ZNF263: variants seen among roughly 807,000 people sequenced by gnomAD.
The protein encoded by ZNF263 is zinc finger protein FPM315.
Under a neutral mutation model 63.1 loss-of-function variants are expected in ZNF263, and 49 were observed. The ratio of observed to expected loss-of-function variants is 0.78; its 90% CI spans 0.62 to 0.99. The LOEUF (loss-of-function observed/expected upper bound fraction) is 0.99. Among genes scored for constraint, ZNF263 ranks in the 50% least tolerant of loss-of-function variants. The probability of loss-of-function intolerance (pLI) is 0.00; values close to 1 mark genes in which losing one functional copy is unlikely to be tolerated. For missense variants in ZNF263, 872 were observed against 854.8 expected (o/e 1.02, Z -0.25); for synonymous variants, 352 against 324.2 (o/e 1.09, Z -0.92).
chr16:3,285,546 T>G, intron 2 of ZNF263, 135 bp from the exon 3 acceptor site: 1 of 868,680 alleles, frequency 1.2e-6, no homozygotes, highest in Non-Finnish European at 1.9e-6. Flanking sequence ...TATCAGCTGA[T>G]TAGGCCTCTG....
Position 3,289,935 on chromosome 16 carries a change from C to T in ZNF263, c.1429C>T (p.Leu477Phe), listed in dbSNP as rs1959541000. The change falls in exon 6 of 6, where the codon CTC becomes TTC. Residue 477 changes from leucine (L) to phenylalanine (F), a missense_variant. Leu to Phe is a conservative substitution (Grantham distance 22). Coordinates refer to ENST00000219069, the MANE Select transcript of ZNF263 (RefSeq NM_005741.5). The part of the protein sequence containing the change: ...CGKCFSCNSN[L>F]HRHQRTHTGE... ...AAAATGTTTCTCCTGCAACTCCAAC[C>T]TCCACAGGCACCAGAGAACGCACAC... is the stretch of plus-strand genomic sequence containing the variant. 1 of 1,614,174 alleles carries T rather than the reference C, an allele frequency of 6.2e-7. No homozygotes were observed. Among genetic ancestry groups the T allele is most frequent in the Non-Finnish European group, 8.5e-7 (1 of 1,180,046 alleles).
downstream of ZNF263, among the ~76,000 whole-genome samples, chr16:3,296,402 C>G (rs1011243714): frequency 1.2e-4 from 19 of 152,304 alleles, no homozygotes; most frequent in African/African-American, 4.6e-4. Flanking sequence ...TCCACTTCCA[C>G]AATCCATCCT....
At position 3,291,194 on chromosome 16, in the gene ZNF263, A is replaced by G. The variant is rs1215211277; in HGVS notation, c.*636A>G. On this transcript the variant is annotated 3_prime_UTR_variant, in exon 6 of 6. Transcript: ENST00000219069. ...AGGAACCAGAGGCCCAAGGGCAATAATAAGGTGGAATTTGCAGGTCAGCCC... is the reference window on the plus strand; with the variant it reads ...AGGAACCAGAGGCCCAAGGGCAATAGTAAGGTGGAATTTGCAGGTCAGCCC... The G allele has an allele frequency of 2.0e-6, 2 of 985,626 alleles. No homozygotes were observed. The highest frequency in any genetic ancestry group is 2.4e-6 in the Non-Finnish European group (2 of 830,184). The allele number at this position is 985,626 out of a possible 1,614,324, so 61.1% of individuals were successfully genotyped here. A position where few individuals can be genotyped will look rare whatever the true frequency, so the allele number is the denominator to read the frequency against.
At chr16:3,299,506 T>C (rs1959869724) in intron 2 of ZNF263, 2 of 1,538,188 alleles carry the variant, frequency 1.3e-6, no homozygotes, top group Non-Finnish European at 1.7e-6. Flanking sequence ...GATTTTAATT[T>C]TGGAAACTCC....
rs1959604168 is a variant in ZNF263 at position 3,291,274 on chromosome 16, C to T, written c.*716C>T. 1.2e-5 allele frequency: 12 copies of T among 985,296 alleles called. No homozygotes were observed. In the South Asian group the frequency reaches 5.6e-4, roughly 46 times the overall value. 61.0% of individuals were successfully genotyped at this position (985,296 alleles called of 1,614,324 possible). On this transcript the variant is annotated 3_prime_UTR_variant, in exon 6 of 6. Coordinates refer to ENST00000219069, the MANE Select transcript of ZNF263 (RefSeq NM_005741.5). ...TAACCCTTTGTGGAGAATGAGATTC[C>T]CCCCACCTGTGTGAGAAAAATAAAC...
At chr16:3,293,194 T>G (rs1426795429), downstream of ZNF263, 1 of 152,224 alleles carries the variant, frequency 6.6e-6, no homozygotes, top group African/African-American at 2.4e-5. Flanking sequence ...GGTTTTCCCC[T>G]ATGCTGTTCT....
downstream of ZNF263, among the ~76,000 whole-genome samples, chr16:3,291,797 A>G (rs1410302528): frequency 6.6e-6 from 1 of 152,260 alleles, no homozygotes; most frequent in East Asian, 1.9e-4. Flanking sequence ...TAGCTGAGGA[A>G]GATCTGACTC....
chr16:3,283,969 G>C lies in ZNF263; in HGVS notation c.151G>C (p.Glu51Gln). The C allele has an allele frequency of 1.9e-6, 3 of 1,613,996 alleles. No individual in the cohort carries two copies. The highest frequency in any genetic ancestry group is 2.5e-6 in the Non-Finnish European group (3 of 1,180,012). ...HLRFRRFRFQ[E>Q]AAGPREALSR... The stretch of plus-strand genomic sequence containing the variant: ...GCGCTTCAGACGGTTCCGCTTCCAA[G>C]AGGCAGCTGGTCCCCGGGAAGCCCT... The change falls in exon 1 of 6, where the codon GAG becomes CAG. Residue 51 changes from glutamate (E) to glutamine (Q), a missense_variant. Glu to Gln is a conservative substitution (Grantham distance 29, BLOSUM62 2). Transcript: ENST00000219069.
chr16:3,284,464 A>G (rs1006934450), intron 1 of ZNF263, among the ~76,000 whole-genome samples: 1 of 152,246 alleles, frequency 6.6e-6, no homozygotes, highest in Non-Finnish European at 1.5e-5. Flanking sequence ...CCAGCGTTCA[A>G]ATCCTCAATC....
At chr16:3,300,495 T>G (rs774293285) in intron 2 of ZNF263, 11 of 1,614,040 alleles carry the variant, frequency 6.8e-6, no homozygotes, top group South Asian at 3.3e-5. Flanking sequence ...CATAAAATGT[T>G]GACTTACTGA....
At position 3,291,064 on chromosome 16, in the gene ZNF263, T is replaced by G. The variant is rs1324545468; in HGVS notation, c.*506T>G. ...GTTGCAGCTGTCCCGAAGGCCCCAG[T>G]TGGGAAGCCATGGGCAGTCCAGATC... On this transcript the variant is annotated 3_prime_UTR_variant, in exon 6 of 6. Transcript: ENST00000219069. 1 of 993,806 alleles carries G rather than the reference T, an allele frequency of 1.0e-6. No homozygotes were observed. Among genetic ancestry groups the G allele is most frequent in the Non-Finnish European group, 1.2e-6 (1 of 834,070 alleles). The allele number at this position is 993,806 out of a possible 1,614,324, so 61.6% of individuals were successfully genotyped here.
intron 4 of ZNF263, 118 bp from the exon 5 acceptor site, chr16:3,288,336 G>T: frequency 1.3e-6 from 1 of 762,912 alleles, no homozygotes; most frequent in South Asian, 1.4e-5. Flanking sequence ...CCAAGTAACT[G>T]CTGTCAGATT....
Position 3,289,669 on chromosome 16 carries a change from C to G in ZNF263, c.1163C>G (p.Ser388Cys). 1.9e-6 allele frequency: 3 copies of G among 1,614,230 alleles called. No individual in the cohort carries two copies. Among genetic ancestry groups the G allele is most frequent in the Non-Finnish European group, 2.5e-6 (3 of 1,180,046 alleles). The change falls in exon 6 of 6, where the codon TCT becomes TGT. Residue 388 changes from serine (S) to cysteine (C), a missense_variant. Ser to Cys is a moderately radical substitution (Grantham distance 112). Transcript: ENST00000219069. ...HLCPLCGKNF[S>C]NNSNLIRHQR... Reference sequence around the variant, plus strand: ...TGTCCCTTGTGTGGCAAAAATTTCTCTAACAACTCAAACCTAATTAGGCAC... The same window carrying G: ...TGTCCCTTGTGTGGCAAAAATTTCTGTAACAACTCAAACCTAATTAGGCAC...
rs911000879 is a variant in ZNF263, at chr16:3,290,047, G to A, written c.1541G>A (p.Gly514Glu). The A allele has an allele frequency of 2.5e-6, 4 of 1,614,136 alleles. No individual in the cohort carries two copies. The highest frequency in any genetic ancestry group is 3.3e-5 in the Admixed American group (2 of 60,020). The part of the protein sequence containing the change: ...NLLRHQRIHT[G>E]ERPYKCPECG... ...CTTCGGCACCAGAGAATTCACACTG[G>A]AGAGCGACCTTATAAGTGTCCCGAG... Residue 514 changes from glycine (G) to glutamate (E), a missense_variant, in exon 6 of 6, where the codon GGA becomes GAA. Physicochemically the swap from Gly to Glu is moderately conservative, Grantham distance 98. Coordinates refer to ENST00000219069, the MANE Select transcript of ZNF263 (RefSeq NM_005741.5).
At position 3,290,486 on chromosome 16, in the gene ZNF263, A is replaced by G. The variant is rs1959573482; in HGVS notation, c.1980A>G (p.Lys660=). ...LRTHTGERPY[K]CSECGESFSR... ...CGCATACGGGAGAGAGACCCTATAA[A>G]TGTTCTGAATGTGGAGAAAGCTTCT... Residue 660 remains lysine (K), a synonymous_variant, in exon 6 of 6, where the codon AAA becomes AAG. Coordinates refer to ENST00000219069, the MANE Select transcript of ZNF263 (RefSeq NM_005741.5). 6.2e-7 allele frequency: 1 copy of G among 1,613,500 alleles called. No homozygotes were observed. Among genetic ancestry groups the G allele is most frequent in the Non-Finnish European group, 8.5e-7 (1 of 1,179,882 alleles).
chr16:3,301,126 A>G (rs75654050), exon 3 of ZNF263: 3,176 of 167,840 alleles, frequency 0.019, 113 homozygotes, highest in African/African-American at 0.072. Flanking sequence ...CAGAGATGCA[A>G]TGTGGCTTCT....
In ZNF263 at chr16:3,288,577, A is replaced by C; in HGVS notation, c.886+7A>C. On this transcript the variant is annotated splice_region_variant and intron_variant, in intron 5 of 5. Coordinates refer to ENST00000219069, the MANE Select transcript of ZNF263 (RefSeq NM_005741.5). ...CCCAGAGGCCCAGCTCCAGGTAAGG[A>C]ATGAAGACAAGTGGCCTGCGCAGCA... is the stretch of plus-strand genomic sequence containing the variant. 8.7e-6 allele frequency: 14 copies of C among 1,600,510 alleles called. No homozygotes were observed. Among genetic ancestry groups the C allele is most frequent in the Non-Finnish European group, 1.2e-5 (14 of 1,171,790 alleles).
chr16:3,300,610 T>C (rs1191958580), intron 2 of ZNF263: 4 of 1,561,506 alleles, frequency 2.6e-6, no homozygotes, highest in African/African-American at 2.7e-5. Context: ...CCCTCTCTTA[T>C]TCATACTGAA....
At chr16:3,287,854 AT>A (rs1959435870) in intron 4 of ZNF263, among the ~76,000 whole-genome samples, 1 of 151,902 alleles carries the variant, frequency 6.6e-6, no homozygotes, top group South Asian at 2.1e-4. Flanking sequence ...TATTAAATGG[AT>A]TATTCAAGGA....
Sources: allele counts gnomAD v4.1 joint callset (sites outside exome capture counted in the v4.1 genomes callset), GRCh38; gene constraint gnomAD v4.1.1; transcripts MANE v1.5; gene names NCBI Gene and HGNC (gene_info 2026-07-23, HGNC 2026-07-21).